FCHO1: variants seen among roughly 807,000 people sequenced by gnomAD.
The protein encoded by FCHO1 is FCH and mu domain containing endocytic adaptor 1.
Under a neutral mutation model 114.4 loss-of-function variants are expected in FCHO1, and 45 were observed. The ratio of observed to expected loss-of-function variants is 0.39; its 90% CI spans 0.31 to 0.50. The LOEUF (loss-of-function observed/expected upper bound fraction) is 0.50, where lower values mean the gene tolerates loss of function less well. Ranked by LOEUF, FCHO1 falls within the 20% of genes least tolerant of loss-of-function variation. The pLI is 0.77. For synonymous variants in FCHO1, 480 were observed against 488.9 expected, an observed-to-expected ratio of 0.98 and a Z score of 0.24; for missense variants, 1,042 against 1,209.6, an observed-to-expected ratio of 0.86 and a Z score of 2.06.
At chr19:17,763,936 T>C (rs1411830789) in intron 5 of FCHO1, among the ~76,000 whole-genome samples, 1 of 152,046 alleles carries the variant, frequency 6.6e-6, no homozygotes, top group African/African-American at 2.4e-5. Context: ...CCTCAGAGTG[T>C]TGTGTCATCC....
At chr19:17,782,298 G>A (rs570746007) in intron 23 of FCHO1, among the ~76,000 whole-genome samples, 6 of 152,166 alleles carry the variant, frequency 3.9e-5, no homozygotes, top group Non-Finnish European at 7.3e-5. Context: ...TGCCTCCTGG[G>A]TTCAAGAGAT....
chr19:17,764,287 C>T (rs928326017), intron 5 of FCHO1, 88 bp from the exon 6 acceptor site: 15 of 1,341,302 alleles, frequency 1.1e-5, no homozygotes, highest in South Asian at 3.5e-5. Flanking sequence ...GTGATCCGTC[C>T]GCCTCGGCCT....
Position 17,772,626 on chromosome 19 carries a change from C to A in FCHO1, c.694-19C>A. 6.2e-7 allele frequency: 1 copy of A among 1,613,868 alleles called. No homozygotes were observed. The highest frequency in any genetic ancestry group is 8.5e-7 in the Non-Finnish European group (1 of 1,179,796). On this transcript the variant is annotated intron_variant, in intron 10 of 28. Coordinates refer to ENST00000596536, the MANE Select transcript of FCHO1 (RefSeq NM_015122.3). ...CAAAGGGGCCTTGACCAGTTACACA[C>A]CCCGCCCACCCGGCACAGGTGCATG... is the stretch of plus-strand genomic sequence containing the variant.
At chr19:17,748,127 C>T (rs13382133), upstream of FCHO1, among the ~76,000 whole-genome samples, 74,737 of 151,978 alleles carry the variant, frequency 0.49, 19,327 homozygotes, top group African/African-American at 0.58. Context: ...GGTCTGGGTT[C>T]TGGGGCTGCA....
At position 17,775,720 on chromosome 19, in the gene FCHO1, C is replaced by T. The variant is rs2092536204; in HGVS notation, c.1003+207C>T. Among the ~76,000 whole-genome samples the T allele has an allele frequency of 6.6e-6, 1 of 151,604 alleles. No individual in the cohort carries two copies. The highest frequency in any genetic ancestry group is 1.5e-5 in the Non-Finnish European group (1 of 67,976). ...GAGAAAAGGAGATCTAGCAGGGCTT[C>T]CTGGAGGAGGGGGCACCAGTGTTGG... On this transcript the variant is annotated intron_variant, in intron 15 of 28. Transcript: ENST00000596536. This position sits in a 1 kb window ranked among gnomAD's most constrained non-coding sequence, Gnocchi z 5.1.
intron 5 of FCHO1, among the ~76,000 whole-genome samples, chr19:17,763,579 C>T (rs10412361): frequency 0.68 from 88,019 of 128,892 alleles, 29,228 homozygotes; most frequent in East Asian, 0.75. Flanking sequence ...TTTTTTTTTT[C>T]TTTTTGGAGA....
intron 7 of FCHO1, among the ~76,000 whole-genome samples, chr19:17,768,277 C>T (rs930007395): frequency 2.0e-5 from 3 of 149,396 alleles, no homozygotes; most frequent in Non-Finnish European, 4.4e-5. Context: ...ACCATGTTGG[C>T]CAGGCTGGTC....
At chr19:17,760,875 A>T (rs2085861169) in intron 4 of FCHO1, among the ~76,000 whole-genome samples, 3 of 151,826 alleles carry the variant, frequency 2.0e-5, no homozygotes, top group Non-Finnish European at 4.4e-5. Flanking sequence ...TCTCGAACTC[A>T]AGACCTCAAG....
At chr19:17,774,897 C>G (rs1401295037) in intron 13 of FCHO1, 159 bp from the exon 14 acceptor site, 3 of 731,858 alleles carry the variant, frequency 4.1e-6, no homozygotes, top group Non-Finnish European at 6.9e-6. Flanking sequence ...TCAACCCCCT[C>G]CCCAAGCAAG....
chr19:17,785,031 C>A, intron 26 of FCHO1, 107 bp downstream of exon 26: 1 of 1,089,948 alleles, frequency 9.2e-7, no homozygotes, highest in South Asian at 1.4e-5. Context: ...TGACCGTTAA[C>A]TGTGAGCCCA....
intron 11 of FCHO1, 88 bp from the exon 12 acceptor site, chr19:17,774,151 C>T (rs1187422025): frequency 4.3e-5 from 54 of 1,264,840 alleles, no homozygotes; most frequent in Admixed American, 2.4e-4. Flanking sequence ...TCAGGTGATC[C>T]GCCCGCCTTA....
In FCHO1 at chr19:17,778,740, C is replaced by A; in HGVS notation, c.1483C>A (p.Arg495Ser). ...PGPSPDSWVP[R>S]PGTPQSPPSC... ...CCCCTCCCCAGATTCCTGGGTCCCC[C>A]GCCCAGGCACCCCGCAGAGCCCGCC... Residue 495 changes from arginine to serine, a missense_variant, in exon 20 of 29, where the codon CGC (arginine) becomes AGC (serine). Arg to Ser is a moderately radical substitution (Grantham distance 110, BLOSUM62 -1). Transcript: ENST00000596536. The A allele has an allele frequency of 6.5e-7, 1 of 1,540,048 alleles. No individual in the cohort carries two copies. Among genetic ancestry groups the A allele is most frequent in the Non-Finnish European group, 8.7e-7 (1 of 1,147,702 alleles).
In FCHO1 at chr19:17,779,204, G is replaced by T. The variant is rs904520879; in HGVS notation, c.1627+320G>T. 2.0e-5 allele frequency among the ~76,000 whole-genome samples: 3 copies of T among 152,110 alleles called. No homozygotes were observed. In the South Asian group the frequency reaches 6.2e-4, roughly 32 times the overall value. On this transcript the variant is annotated intron_variant, in intron 20 of 28. Coordinates refer to ENST00000596536, the MANE Select transcript of FCHO1 (RefSeq NM_015122.3). Reference sequence around the variant, plus strand: ...TGCAAAGGTCCTGGGGCAGGAGCGCGCTAGGCCTGTCTGAAGAACAGCAAG... The same window carrying T: ...TGCAAAGGTCCTGGGGCAGGAGCGCTCTAGGCCTGTCTGAAGAACAGCAAG...
chr19:17,767,403 A>AAAAAAC (rs1429935903), intron 7 of FCHO1, among the ~76,000 whole-genome samples: 1 of 151,102 alleles, frequency 6.6e-6, no homozygotes, highest in East Asian at 1.9e-4. Context: ...ACCAAAAAAA[A>AAAAAAC]AAAAACACCC....
At chr19:17,759,164 T>TTA (rs1193371484) in intron 4 of FCHO1, among the ~76,000 whole-genome samples, 2 of 151,908 alleles carry the variant, frequency 1.3e-5, no homozygotes, top group Non-Finnish European at 2.9e-5. Context: ...TCTTCCAGTG[T>TTA]TATTATAAGA....
In FCHO1 at chr19:17,781,467, C is replaced by T. The variant is rs1232836719; in HGVS notation, c.1756C>T (p.Pro586Ser). ...TCCCTTCCAGTCTCGTTCCCTGAGC[C>T]CCTCCCCACTGGGCTCTTCAGCCGC... ...SNGDLSRSLS[P>S]SPLGSSAAST... The change falls in exon 22 of 29, where the codon CCC becomes TCC. Residue 586 changes from proline to serine, a missense_variant. By Grantham distance (74) the Pro-to-Ser change is moderately conservative. This residue lies in a region of FCHO1 where 455 missense variants were observed against 455.4 expected (regional missense o/e 1.00). Coordinates refer to ENST00000596536, the MANE Select transcript of FCHO1 (RefSeq NM_015122.3). 1 of 1,613,968 alleles carries T rather than the reference C, an allele frequency of 6.2e-7. No individual in the cohort carries two copies. Among genetic ancestry groups the T allele is most frequent in the African/African-American group, 1.3e-5 (1 of 74,888 alleles).
At chr19:17,782,793 A>G (rs55738594) in intron 23 of FCHO1, among the ~76,000 whole-genome samples, 31,181 of 151,926 alleles carry the variant, frequency 0.21, 3,582 homozygotes, top group African/African-American at 0.29. Context: ...AAAGAGAACT[A>G]GGGATGGAGA....
At position 17,775,868 on chromosome 19, in the gene FCHO1, G is replaced by A. The variant is rs1403877650; in HGVS notation, c.1004-115G>A. ...GGACTGAAGGTGGCGCGTGGTGAGC[G>A]ATGGGATTGGGCAGGACCTCGAAGG... On this transcript the variant is annotated intron_variant, in intron 15 of 28. Transcript: ENST00000596536. This position sits in a 1 kb window ranked among gnomAD's most constrained non-coding sequence, Gnocchi z 5.1. 24 of 1,250,244 alleles carry A rather than the reference G, an allele frequency of 1.9e-5. No homozygotes were observed. The highest frequency in any genetic ancestry group is 2.3e-5 in the Non-Finnish European group (21 of 901,400). 77.4% of individuals were successfully genotyped at this position (1,250,244 alleles called of 1,614,324 possible). A position where few individuals can be genotyped will look rare whatever the true frequency, so the allele number is the denominator to read the frequency against.
chr19:17,749,134 G>A (rs912505843), upstream of FCHO1, among the ~76,000 whole-genome samples: 7 of 152,108 alleles, frequency 4.6e-5, no homozygotes, highest in South Asian at 1.0e-3. Context: ...CATCACCCAC[G>A]CCAGGGGTGA....
Sources: allele counts gnomAD v4.1 joint callset (sites outside exome capture counted in the v4.1 genomes callset), GRCh38; gene constraint gnomAD v4.1.1; regional missense constraint gnomAD v4.1.1; non-coding constraint Gnocchi (gnomAD v3.1); transcripts MANE v1.5; gene names NCBI Gene and HGNC (gene_info 2026-07-23, HGNC 2026-07-21).